Variants in BRIP1 observed in about 807,000 individuals in gnomAD.
BRIP1 encodes the protein Fanconi anemia group J protein.
Under a neutral mutation model 119.7 loss-of-function variants are expected in BRIP1, and 88 were observed. The ratio of observed to expected loss-of-function variants is 0.74; its 90% CI spans 0.62 to 0.88. BRIP1 has a LOEUF of 0.88. BRIP1 is among the 40% of genes least tolerant of loss of function. The pLI is 0.00. For missense variants in BRIP1, 1,259 were observed against 1,455.4 expected (o/e 0.87, Z 2.20); for synonymous variants, 443 against 496.5 (o/e 0.89, Z 1.43).
At chr17:61,694,469 G>A (rs2378881) in intron 17 of BRIP1, among the ~76,000 whole-genome samples, 92,624 of 151,892 alleles carry the variant, frequency 0.61, 28,860 homozygotes, top group Admixed American at 0.74. Context: ...TATGAATAAT[G>A]CTGCTATTAA....
In BRIP1 at chr17:61,826,974, A is replaced by G. The variant is rs2078419068; in HGVS notation, c.628-18217T>C. 2.6e-5 allele frequency among the ~76,000 whole-genome samples: 4 copies of G among 152,210 alleles called. No individual in the cohort carries two copies. The South Asian group carries it at 8.3e-4, about 32-fold the overall frequency. ...CTATTATAAAGACACATGCACACGT[A>G]TGTTCATTGAAGCACTATGCACAAT... On this transcript the variant is annotated intron_variant, in intron 6 of 19. Coordinates refer to ENST00000259008, the MANE Select transcript of BRIP1 (RefSeq NM_032043.3).
chr17:61,855,867 C>G (rs1260728750), intron 4 of BRIP1, among the ~76,000 whole-genome samples: 3 of 152,020 alleles, frequency 2.0e-5, no homozygotes, highest in African/African-American at 7.2e-5. Context: ...AAGATTTAGA[C>G]AGACACATAT....
In BRIP1 at chr17:61,693,037, A is replaced by G. The variant is rs2061470196; in HGVS notation, c.2575+393T>C. Reference sequence around the variant, plus strand: ...GTATACATAAAATAAAATATTAAGCAGTCATTGAAAAGAAGGAAATCCTGC... The same window carrying G: ...GTATACATAAAATAAAATATTAAGCGGTCATTGAAAAGAAGGAAATCCTGC... On this transcript the variant is annotated intron_variant, in intron 18 of 19. Coordinates refer to ENST00000259008, the MANE Select transcript of BRIP1 (RefSeq NM_032043.3). The surrounding 1 kb of genome is among the most constrained non-coding windows in gnomAD (Gnocchi z 4.2). 6.6e-6 allele frequency among the ~76,000 whole-genome samples: 1 copy of G among 152,252 alleles called. No homozygotes were observed. Among genetic ancestry groups the G allele is most frequent in the African/African-American group, 2.4e-5 (1 of 41,470 alleles).
At chr17:61,847,886 G>A (rs2078758482) in intron 5 of BRIP1, among the ~76,000 whole-genome samples, 1 of 152,102 alleles carries the variant, frequency 6.6e-6, no homozygotes, top group Non-Finnish European at 1.5e-5. Flanking sequence ...GTGAAGTGAG[G>A]GAATAAATGT....
intron 10 of BRIP1, among the ~76,000 whole-genome samples, chr17:61,788,605 T>G (rs2077768865): frequency 6.6e-6 from 1 of 152,116 alleles, no homozygotes; most frequent in South Asian, 2.1e-4. Flanking sequence ...ATGTGACAAA[T>G]TAGAGAAACA....
At chr17:61,817,714 T>C (rs1415361285) in intron 6 of BRIP1, among the ~76,000 whole-genome samples, 1 of 152,216 alleles carries the variant, frequency 6.6e-6, no homozygotes, top group African/African-American at 2.4e-5. Flanking sequence ...TACATGTGGC[T>C]AGTGGACAGA....
intron 10 of BRIP1, among the ~76,000 whole-genome samples, chr17:61,786,747 CTATAT>C (rs1201333844): frequency 1.5e-5 from 2 of 131,352 alleles, no homozygotes; most frequent in African/African-American, 2.8e-5. Context: ...TGGGTTATTT[CTATAT>C]TATATATTTT....
intron 6 of BRIP1, among the ~76,000 whole-genome samples, chr17:61,838,190 A>C (rs2078602783): frequency 6.6e-6 from 1 of 152,158 alleles, no homozygotes; most frequent in South Asian, 2.1e-4. Context: ...CTATTTAAAA[A>C]ATACTGTACT....
chr17:61,743,944 C>A lies in BRIP1; in HGVS notation c.2257+488G>T, dbSNP rs7210839. On this transcript the variant is annotated intron_variant, in intron 15 of 19. Coordinates refer to ENST00000259008, the MANE Select transcript of BRIP1 (RefSeq NM_032043.3). The surrounding 1 kb of genome is among the most constrained non-coding windows in gnomAD (Gnocchi z 4.3). Reference sequence around the variant, plus strand: ...TCAAGTGATCCACCCGCCTCAGCCTCCCAAAGCGCTAGGATTACAGGCAAG... The same window carrying A: ...TCAAGTGATCCACCCGCCTCAGCCTACCAAAGCGCTAGGATTACAGGCAAG... Among the ~76,000 whole-genome samples the A allele has an allele frequency of 1.5e-3, 227 of 152,272 alleles. 1 individual carries two copies. The highest frequency in any genetic ancestry group is 5.4e-3 in the African/African-American group (225 of 41,552).
rs2077783308 is a variant in BRIP1 at position 61,789,486 on chromosome 17, C to T, written c.1473+4111G>A. On this transcript the variant is annotated intron_variant, in intron 10 of 19. Transcript: ENST00000259008. The surrounding 1 kb of genome is among the most constrained non-coding windows in gnomAD (Gnocchi z 4.8). ...TGTAAAAGTATTTATAAATCCCATC[C>T]TTTATAAACAATAAATACCTTAAAA... is the stretch of plus-strand genomic sequence containing the variant. 6.6e-6 allele frequency among the ~76,000 whole-genome samples: 1 copy of T among 151,892 alleles called. No individual in the cohort carries two copies. The highest frequency in any genetic ancestry group is 1.5e-5 in the Non-Finnish European group (1 of 67,972).
In BRIP1 at chr17:61,687,835, G is replaced by A. The variant is rs1260047280; in HGVS notation, c.2576-1670C>T. Among the ~76,000 whole-genome samples the A allele has an allele frequency of 6.6e-6, 1 of 152,132 alleles. No homozygotes were observed. The highest frequency in any genetic ancestry group is 1.5e-5 in the Non-Finnish European group (1 of 68,022). On this transcript the variant is annotated intron_variant, in intron 18 of 19. Coordinates refer to ENST00000259008, the MANE Select transcript of BRIP1 (RefSeq NM_032043.3). The surrounding 1 kb of genome is among the most constrained non-coding windows in gnomAD (Gnocchi z 5.1). ...AGAATATACCTGGCTGCTTCTTCCT[G>A]GGGAGAAAAGAGAAAACTGGACCTT...
At chr17:61,788,011 A>G (rs1446611153) in intron 10 of BRIP1, among the ~76,000 whole-genome samples, 2 of 152,294 alleles carry the variant, frequency 1.3e-5, no homozygotes, top group East Asian at 3.9e-4. Context: ...AGTAAGAAAT[A>G]AAAACATGAA....
rs995859737 is a variant in BRIP1 at position 61,752,255 on chromosome 17, G to T, written c.2098-7664C>A. Reference sequence around the variant, plus strand: ...CTGATTATTAATATGATGAGTTAGAGGAGGGGTTATAACAGGTACATTTAG... The same window carrying T: ...CTGATTATTAATATGATGAGTTAGATGAGGGGTTATAACAGGTACATTTAG... On this transcript the variant is annotated intron_variant, in intron 14 of 19. Coordinates refer to ENST00000259008, the MANE Select transcript of BRIP1 (RefSeq NM_032043.3). The surrounding 1 kb of genome is among the most constrained non-coding windows in gnomAD (Gnocchi z 6.2). Among the ~76,000 whole-genome samples the T allele has an allele frequency of 7.3e-4, 111 of 152,192 alleles. 2 individuals are homozygous for T. Among genetic ancestry groups the T allele is most frequent in the Admixed American group, 7.3e-3 (111 of 15,280 alleles).
At position 61,765,437 on chromosome 17, in the gene BRIP1, T is replaced by A. The variant is rs1284948252; in HGVS notation, c.2097+10964A>T. Among the ~76,000 whole-genome samples the A allele has an allele frequency of 2.9e-5, 2 of 70,062 alleles. 1 individual carries two copies. Among genetic ancestry groups the A allele is most frequent in the African/African-American group, 1.2e-4 (2 of 17,274 alleles). 46.0% of individuals were successfully genotyped at this position (70,062 alleles called of 152,430 possible). A position where few individuals can be genotyped will look rare whatever the true frequency, so the allele number is the denominator to read the frequency against. ...TATATATATATATTTTTTTTTTTTT[T>A]TTTTTTTTTTTTTTTTGAGACAGAG... On this transcript the variant is annotated intron_variant, in intron 14 of 19. Transcript: ENST00000259008.
In BRIP1 at chr17:61,825,646, T is replaced by C. The variant is rs1297002697; in HGVS notation, c.628-16889A>G. On this transcript the variant is annotated intron_variant, in intron 6 of 19. Coordinates refer to ENST00000259008, the MANE Select transcript of BRIP1 (RefSeq NM_032043.3). This position sits in a 1 kb window ranked among gnomAD's most constrained non-coding sequence, Gnocchi z 4.1. ...ACAAATAAATAAATAAATAAATAAATAAATAAATAAATAAATAAATAAAAT... is the reference window on the plus strand; with the variant it reads ...ACAAATAAATAAATAAATAAATAAACAAATAAATAAATAAATAAATAAAAT... Among the ~76,000 whole-genome samples, 2 of 149,764 alleles carry C rather than the reference T, an allele frequency of 1.3e-5. No homozygotes were observed. Among genetic ancestry groups the C allele is most frequent in the African/African-American group, 2.4e-5 (1 of 40,958 alleles).
At position 61,683,143 on chromosome 17, in the gene BRIP1, C is replaced by G. The variant is rs113345004; in HGVS notation, c.*153G>C. 8 of 1,009,170 alleles carry G rather than the reference C, an allele frequency of 7.9e-6. No individual in the cohort carries two copies. The highest frequency in any genetic ancestry group is 1.7e-5 in the African/African-American group (1 of 60,212). The allele number at this position is 1,009,170 out of a possible 1,614,324, so 62.5% of individuals were successfully genotyped here. A position where few individuals can be genotyped will look rare whatever the true frequency, so the allele number is the denominator to read the frequency against. On this transcript the variant is annotated 3_prime_UTR_variant, in exon 20 of 20. Transcript: ENST00000259008. This position sits in a 1 kb window ranked among gnomAD's most constrained non-coding sequence, Gnocchi z 4.7. ...AAGACTCTGTCTCAAAAAAAAAAAC[C>G]CAAAAACTCAAGAATAATAACATTT...
rs2077004994 is a variant in BRIP1 at position 61,742,983 on chromosome 17, A to G, written c.2379+30T>C. 6.2e-7 allele frequency: 1 copy of G among 1,611,990 alleles called. No homozygotes were observed. Among genetic ancestry groups the G allele is most frequent in the African/African-American group, 1.3e-5 (1 of 74,860 alleles). Reference sequence around the variant, plus strand: ...TTATACAAAACCAATGACTCCTGTAATAATAAAACTTAAGGTTTTGATGGC... The same window carrying G: ...TTATACAAAACCAATGACTCCTGTAGTAATAAAACTTAAGGTTTTGATGGC... On this transcript the variant is annotated intron_variant, in intron 16 of 19. Coordinates refer to ENST00000259008, the MANE Select transcript of BRIP1 (RefSeq NM_032043.3). The surrounding 1 kb of genome is among the most constrained non-coding windows in gnomAD (Gnocchi z 4.7).
At position 61,735,581 on chromosome 17, in the gene BRIP1, G is replaced by T. The variant is rs2076905729; in HGVS notation, c.2379+7432C>A. ...ACGCGGGTGGATTACTTGAGCTCAG[G>T]AGTTCGAGACCAGCCTGGGCAACAT... On this transcript the variant is annotated intron_variant, in intron 16 of 19. Coordinates refer to ENST00000259008, the MANE Select transcript of BRIP1 (RefSeq NM_032043.3). This position sits in a 1 kb window ranked among gnomAD's most constrained non-coding sequence, Gnocchi z 4.4. 6.6e-6 allele frequency among the ~76,000 whole-genome samples: 1 copy of T among 151,200 alleles called. No individual in the cohort carries two copies. The highest frequency in any genetic ancestry group is 1.9e-4 in the East Asian group (1 of 5,144).
chr17:61,719,306 A>C (rs928339349), intron 16 of BRIP1, among the ~76,000 whole-genome samples: 2 of 151,482 alleles, frequency 1.3e-5, no homozygotes, highest in African/African-American at 4.9e-5. Context: ...AAACAGTCAT[A>C]AAAATGAATG....
Sources: gnomAD v4.1 joint callset for allele counts (sites outside exome capture counted in the v4.1 genomes callset) on GRCh38, gnomAD v4.1.1 for gene constraint, Gnocchi (gnomAD v3.1) non-coding constraint, MANE v1.5 for transcripts, NCBI Gene and HGNC (gene_info 2026-07-23, HGNC 2026-07-21) for gene names.